The following WDR82 variants were observed in gnomAD, a reference collection of about 807,000 sequenced individuals.
WDR82 encodes the protein WD repeat domain 82.
In WDR82, 8 loss-of-function variants were observed where a neutral mutation model predicts 36.1. That is an observed-to-expected ratio of 0.22 (90% CI 0.13 to 0.40). The LOEUF is 0.40. Among genes scored for constraint, WDR82 ranks in the 10% least tolerant of loss-of-function variants. The pLI is 1.00. For missense variants in WDR82, 185 were observed against 400.5 expected (o/e 0.46, Z 4.59); for synonymous variants, 129 against 137.8 (o/e 0.94, Z 0.45).
At chr3:52,260,227 G>T (rs889285752) in intron 5 of WDR82, among the ~76,000 whole-genome samples, 158 bp downstream of exon 5, 17 of 152,146 alleles carry the variant, frequency 1.1e-4, no homozygotes, top group African/African-American at 3.6e-4. Context: ...TACTTGGGAG[G>T]CTGAGGCAGG....
At chr3:52,275,799 G>T (rs1004850870) in intron 1 of WDR82, among the ~76,000 whole-genome samples, 5 of 152,134 alleles carry the variant, frequency 3.3e-5, no homozygotes, top group African/African-American at 1.2e-4. Context: ...CAGGAGAATC[G>T]CTTGAACCCA....
chr3:52,256,120 G>A lies in WDR82; in HGVS notation c.*1370C>T, dbSNP rs1288181879. ...CTAATACTGCAGAGATGGCCCCAAA[G>A]TGCAGCTTGAGGAACACAGCAAGTC... On this transcript the variant is annotated 3_prime_UTR_variant, in exon 9 of 9. Transcript: ENST00000296490. 1 of 153,924 alleles carries A rather than the reference G, an allele frequency of 6.5e-6. No individual in the cohort carries two copies. Among genetic ancestry groups the A allele is most frequent in the Non-Finnish European group, 1.5e-5 (1 of 68,092 alleles). The allele number at this position is 153,924 out of a possible 1,614,324, so 9.5% of individuals were successfully genotyped here. A position where few individuals can be genotyped will look rare whatever the true frequency, so the allele number is the denominator to read the frequency against.
At position 52,258,638 on chromosome 3, in the gene WDR82, G is replaced by A. The variant is rs531883623; in HGVS notation, c.810C>T (p.Ser270=). The A allele has an allele frequency of 1.6e-4, 255 of 1,614,170 alleles. 1 individual carries two copies. The East Asian group carries it at 4.5e-3, about 29-fold the overall frequency. ...CATCCAACACAGCTACTTTTATACC[G>A]CTCTCTCCATTCCAGACATGGATCT... ...DGKIHVWNGE[S]GIKVAVLDGK... The change falls in exon 8 of 9, where the codon AGC becomes AGT. Residue 270 remains serine, a synonymous_variant. Coordinates refer to ENST00000296490, the MANE Select transcript of WDR82 (RefSeq NM_025222.4).
At chr3:52,260,010 T>C (rs557427818) in intron 5 of WDR82, 138 bp from the exon 6 acceptor site, 128 of 1,115,168 alleles carry the variant, frequency 1.1e-4, no homozygotes, top group Non-Finnish European at 1.5e-4. Context: ...CTCTCTAATA[T>C]CTACCACATT....
intron 2 of WDR82, chr3:52,267,660 A>G (rs1375893704): frequency 1.3e-5 from 2 of 152,410 alleles, no homozygotes; most frequent in Non-Finnish European, 2.9e-5. Context: ...TATACCAATG[A>G]GTAATAGCAG....
chr3:52,268,560 C>T (rs1185047750), intron 2 of WDR82, among the ~76,000 whole-genome samples: 2 of 152,096 alleles, frequency 1.3e-5, no homozygotes, highest in African/African-American at 2.4e-5. Context: ...ACCAGTCATT[C>T]GGATGATCAC....
intron 5 of WDR82, 29 bp from the exon 6 acceptor site, chr3:52,259,901 G>A (rs1156354885): frequency 1.3e-6 from 2 of 1,590,206 alleles, no homozygotes; most frequent in Non-Finnish European, 1.7e-6. Flanking sequence ...AGTAGCCCCA[G>A]GCATATTAAT....
rs1427304508 is a variant in WDR82, at chr3:52,278,281, G to A, written c.81C>T (p.Phe27=). The change falls in exon 1 of 9, where the codon TTC becomes TTT. Residue 27 remains phenylalanine (F), a synonymous_variant. Coordinates refer to ENST00000296490, the MANE Select transcript of WDR82 (RefSeq NM_025222.4). ...FRENSDKINC[F]DFSPNGETVI... Reference sequence around the variant, plus strand: ...CCGTCTCGCCGTTGGGGCTGAAATCGAAGCAGTTAATCTTGTCCGAGTTTT... The same window carrying A: ...CCGTCTCGCCGTTGGGGCTGAAATCAAAGCAGTTAATCTTGTCCGAGTTTT... 1.2e-6 allele frequency: 2 copies of A among 1,611,512 alleles called. No individual in the cohort carries two copies. The highest frequency in any genetic ancestry group is 2.7e-5 in the African/African-American group (2 of 74,684).
intron 2 of WDR82, among the ~76,000 whole-genome samples, chr3:52,270,095 C>A (rs931663773): frequency 2.0e-5 from 3 of 152,136 alleles, no homozygotes; most frequent in African/African-American, 7.2e-5. Flanking sequence ...TGCTGTGTAT[C>A]AAGTGTTCTT....
intron 1 of WDR82, among the ~76,000 whole-genome samples, chr3:52,275,768 C>T (rs140758491): frequency 0.022 from 3,297 of 152,246 alleles, 54 homozygotes; most frequent in Middle Eastern, 0.041. Flanking sequence ...CCTGTAATCC[C>T]AGCTACTCAG....
In WDR82 at chr3:52,256,362, T is replaced by C. The variant is rs1700008791; in HGVS notation, c.*1128A>G. On this transcript the variant is annotated 3_prime_UTR_variant, in exon 9 of 9. Coordinates refer to ENST00000296490, the MANE Select transcript of WDR82 (RefSeq NM_025222.4). The stretch of plus-strand genomic sequence containing the variant: ...AGAGATATATGCATACGCACACACA[T>C]ATATGCGTATCTGTATGCACACAGA... 1 of 153,764 alleles carries C rather than the reference T, an allele frequency of 6.5e-6. No individual in the cohort carries two copies. The highest frequency in any genetic ancestry group is 2.4e-5 in the African/African-American group (1 of 41,442). The allele number at this position is 153,764 out of a possible 1,614,324, so 9.5% of individuals were successfully genotyped here.
intron 1 of WDR82, among the ~76,000 whole-genome samples, chr3:52,272,823 T>G (rs1041279085): frequency 6.6e-6 from 1 of 152,200 alleles, no homozygotes; most frequent in Non-Finnish European, 1.5e-5. Flanking sequence ...AAGAAGTCAG[T>G]TATTTGCACT....
intron 3 of WDR82, among the ~76,000 whole-genome samples, chr3:52,261,909 T>C (rs1464040378): frequency 2.0e-5 from 3 of 152,188 alleles, no homozygotes; most frequent in African/African-American, 7.2e-5. Flanking sequence ...CCTAGGTATT[T>C]ACCCAAGATA....
chr3:52,262,673 T>C (rs1700071678), intron 3 of WDR82, among the ~76,000 whole-genome samples: 1 of 152,242 alleles, frequency 6.6e-6, no homozygotes, highest in East Asian at 1.9e-4. Flanking sequence ...ACTGTATTCC[T>C]TTTTTGGTTC....
intron 1 of WDR82, among the ~76,000 whole-genome samples, chr3:52,271,901 C>CA (rs1480800792): frequency 6.6e-6 from 1 of 152,050 alleles, no homozygotes; most frequent in Non-Finnish European, 1.5e-5. Context: ...CGAGAGCAGC[C>CA]CAACATGGTG....
At position 52,278,477 on chromosome 3, in the gene WDR82, G is replaced by A. The variant is rs1418124734; in HGVS notation, c.-116C>T. The A allele has an allele frequency of 7.1e-6, 7 of 984,542 alleles. No homozygotes were observed. Among genetic ancestry groups the A allele is most frequent in the Non-Finnish European group, 7.8e-6 (6 of 772,348 alleles). 61.0% of individuals were successfully genotyped at this position (984,542 alleles called of 1,614,324 possible). A position where few individuals can be genotyped will look rare whatever the true frequency, so the allele number is the denominator to read the frequency against. ...GCGGGCGCCGCGCCGGCGGCTAGCGGGAAGTCGGCCAACAGTTGGGCCGCC... is the reference window on the plus strand; with the variant it reads ...GCGGGCGCCGCGCCGGCGGCTAGCGAGAAGTCGGCCAACAGTTGGGCCGCC... On this transcript the variant is annotated 5_prime_UTR_variant, in exon 1 of 9. Coordinates refer to ENST00000296490, the MANE Select transcript of WDR82 (RefSeq NM_025222.4).
At chr3:52,275,521 T>C (rs558670265) in intron 1 of WDR82, among the ~76,000 whole-genome samples, 3 of 152,336 alleles carry the variant, frequency 2.0e-5, no homozygotes, top group Admixed American at 6.5e-5. Context: ...CCCTGTAGTA[T>C]TGTATCAGTA....
chr3:52,278,108 CT>C, intron 1 of WDR82, 92 bp downstream of exon 1: 1 of 1,338,980 alleles, frequency 7.5e-7, no homozygotes, highest in Non-Finnish European at 9.8e-7. Flanking sequence ...AGGCTGGGGG[CT>C]GAAGTCGGGA....
intron 8 of WDR82, among the ~76,000 whole-genome samples, chr3:52,258,061 C>T (rs1700028718): frequency 6.6e-6 from 1 of 152,064 alleles, no homozygotes; most frequent in Admixed American, 6.5e-5. Flanking sequence ...ACTCACTGAT[C>T]CTTTGTTCTG....
Sources: allele counts gnomAD v4.1 joint callset (sites outside exome capture counted in the v4.1 genomes callset), GRCh38; gene constraint gnomAD v4.1.1; transcripts MANE v1.5; gene names NCBI Gene and HGNC (gene_info 2026-07-23, HGNC 2026-07-21).